TTC5: variants seen among roughly 807,000 people sequenced by gnomAD.
The protein encoded by TTC5 is tetratricopeptide repeat protein 5.
A neutral mutation model predicts 57.4 loss-of-function variants in TTC5; 46 were observed. The observed-to-expected ratio is 0.80, with a 90% CI of 0.63 to 1.03. The LOEUF (loss-of-function observed/expected upper bound fraction) is 1.03, where lower values mean the gene tolerates loss of function less well. TTC5 is among the 50% of genes least tolerant of loss of function. TTC5 has a pLI of 0.00. For synonymous variants in TTC5, 190 were observed against 203.5 expected (o/e 0.93, Z 0.57); for missense variants, 504 against 528.1 (o/e 0.95, Z 0.45).
At chr14:20,296,925 G>A (rs1345873457) in intron 5 of TTC5, among the ~76,000 whole-genome samples, 1 of 152,154 alleles carries the variant, frequency 6.6e-6, no homozygotes, top group Non-Finnish European at 1.5e-5. Flanking sequence ...AGGTAGAATT[G>A]TTTTAACATG....
chr14:20,301,075 T>C (rs760243394), intron 2 of TTC5, among the ~76,000 whole-genome samples: 1 of 152,226 alleles, frequency 6.6e-6, no homozygotes, highest in Non-Finnish European at 1.5e-5. Flanking sequence ...GGTTGCTAAC[T>C]TTCCTAGAGG....
Position 20,300,773 on chromosome 14 carries a change from G to T in TTC5, c.230C>A (p.Ala77Glu). Residue 77 changes from alanine to glutamate, a missense_variant, in exon 3 of 10, where the codon GCA becomes GAA. By Grantham distance (107) the Ala-to-Glu change is moderately radical. Transcript: ENST00000258821. Reference protein sequence around the residue: ...KAQVLMLTGKALNVTPDYSPK... With the variant: ...KAQVLMLTGKELNVTPDYSPK... Reference sequence around the variant, plus strand: ...GCTATAGTCAGGAGTCACATTTAGTGCTTTCCCAGTTAGCATTAGAACTTG... The same window carrying T: ...GCTATAGTCAGGAGTCACATTTAGTTCTTTCCCAGTTAGCATTAGAACTTG... 6.2e-7 allele frequency: 1 copy of T among 1,614,114 alleles called. No homozygotes were observed. Among genetic ancestry groups the T allele is most frequent in the Non-Finnish European group, 8.5e-7 (1 of 1,180,032 alleles).
At chr14:20,300,466 T>C in intron 3 of TTC5, 141 bp downstream of exon 3, 1 of 687,974 alleles carries the variant, frequency 1.5e-6, no homozygotes. Context: ...TCAGGTCTGC[T>C]CTCTGACCTT....
rs551919671 is a variant in TTC5, at chr14:20,295,237, C to CT, written c.1058+74dup. 249 of 1,385,676 alleles carry CT rather than the reference C, an allele frequency of 1.8e-4. 1 individual carries two copies. The East Asian group carries it at 4.6e-3, about 26-fold the overall frequency. The allele number at this position is 1,385,676 out of a possible 1,614,324, so 85.8% of individuals were successfully genotyped here. On this transcript the variant is annotated intron_variant, in intron 8 of 9. Transcript: ENST00000258821. ...CTGTGACCACTGACAATCTCCTCAA[C>CT]TGCCAGGGAAAGAACAGGAAGTGAG...
intron 9 of TTC5, among the ~76,000 whole-genome samples, chr14:20,290,540 G>C (rs191595556): frequency 6.6e-6 from 1 of 152,232 alleles, no homozygotes; most frequent in East Asian, 1.9e-4. Flanking sequence ...TTTCCAACCA[G>C]AGTTGAGAAA....
At chr14:20,301,737 G>A in intron 2 of TTC5, 96 bp downstream of exon 2, 1 of 1,503,938 alleles carries the variant, frequency 6.6e-7, no homozygotes, top group African/African-American at 1.4e-5. Flanking sequence ...CCCTATAGCA[G>A]TAACAGATAG....
chr14:20,300,140 C>CATATATAT, intron 3 of TTC5, among the ~76,000 whole-genome samples: 1 of 16,332 alleles, frequency 6.1e-5, no homozygotes, highest in Non-Finnish European at 1.9e-4. Context: ...ACGTCTGGTC[C>CATATATAT]ATGTATATAT....
rs144920137 is a variant in TTC5 at position 20,295,971 on chromosome 14, G to A, written c.697-117C>T. The A allele has an allele frequency of 4.7e-3, 5,008 of 1,074,170 alleles. 35 individuals are homozygous for A. The highest frequency in any genetic ancestry group is 0.02 in the South Asian group (1,114 of 54,804). The allele number at this position is 1,074,170 out of a possible 1,614,324, so 66.5% of individuals were successfully genotyped here. A position where few individuals can be genotyped will look rare whatever the true frequency, so the allele number is the denominator to read the frequency against. On this transcript the variant is annotated intron_variant, in intron 6 of 9. Coordinates refer to ENST00000258821, the MANE Select transcript of TTC5 (RefSeq NM_138376.3). ...TGTTTTCCTTCCTGGTTATTTTCCT[G>A]TGCTGCAACAAACAGCCTGAAGAGC...
chr14:20,302,413 C>T (rs1882212141), intron 1 of TTC5, among the ~76,000 whole-genome samples: 1 of 152,186 alleles, frequency 6.6e-6, no homozygotes, highest in South Asian at 2.1e-4. Context: ...CCTGATTTTT[C>T]ATATGCTGAG....
intron 5 of TTC5, among the ~76,000 whole-genome samples, chr14:20,297,952 T>G (rs1214433837): frequency 6.6e-6 from 1 of 151,784 alleles, no homozygotes; most frequent in Non-Finnish European, 1.5e-5. Flanking sequence ...AAAGGTAGAG[T>G]TGTGGGGAGA....
intron 9 of TTC5, among the ~76,000 whole-genome samples, chr14:20,290,445 C>CA (rs1284052259): frequency 4.6e-5 from 7 of 151,976 alleles, no homozygotes; most frequent in African/African-American, 1.4e-4. Context: ...ACAAGTGACA[C>CA]AAAAAATGGC....
At chr14:20,293,322 G>A (rs1881996999) in intron 8 of TTC5, 1 of 152,196 alleles carries the variant, frequency 6.6e-6, no homozygotes, top group African/African-American at 2.4e-5. Flanking sequence ...GAGGATGTTA[G>A]CTATGTCAAG....
intron 8 of TTC5, 100 bp downstream of exon 8, chr14:20,295,212 C>G: frequency 9.3e-7 from 1 of 1,074,624 alleles, no homozygotes; most frequent in Non-Finnish European, 1.4e-6. Flanking sequence ...AGTCACAAAT[C>G]TGTGACCACT....
intron 3 of TTC5, 152 bp from the exon 4 acceptor site, chr14:20,299,600 C>A: frequency 2.4e-6 from 2 of 842,390 alleles, no homozygotes; most frequent in South Asian, 1.5e-5. Context: ...GTCACCCAGG[C>A]TGAAGTGCAA....
intron 5 of TTC5, among the ~76,000 whole-genome samples, chr14:20,297,106 T>C (rs1241415263): frequency 6.6e-6 from 1 of 152,238 alleles, no homozygotes; most frequent in Non-Finnish European, 1.5e-5. Context: ...AAGGCTAGGA[T>C]AGAAATGGTG....
chr14:20,296,540 TG>T, intron 5 of TTC5, 94 bp from the exon 6 acceptor site: 1 of 1,019,986 alleles, frequency 9.8e-7, no homozygotes. Flanking sequence ...TCTAGAGAAA[TG>T]GAAGTTTCTT....
At chr14:20,297,616 C>G (rs1353958811) in intron 5 of TTC5, among the ~76,000 whole-genome samples, 1 of 151,966 alleles carries the variant, frequency 6.6e-6, no homozygotes, top group Non-Finnish European at 1.5e-5. Context: ...ACTAAAAATA[C>G]AAAAATTAGG....
chr14:20,304,410 C>T (rs1038554133), intron 1 of TTC5, among the ~76,000 whole-genome samples: 2 of 152,192 alleles, frequency 1.3e-5, no homozygotes, highest in Admixed American at 1.3e-4. Context: ...TTTTAACAGG[C>T]ACCCCAGATG....
At chr14:20,302,577 T>C (rs1882214728) in intron 1 of TTC5, among the ~76,000 whole-genome samples, 1 of 152,224 alleles carries the variant, frequency 6.6e-6, no homozygotes, top group African/African-American at 2.4e-5. Flanking sequence ...TTTAGTTTGA[T>C]TTTTTTGTCA....
Sources: gnomAD v4.1 joint callset for allele counts (sites outside exome capture counted in the v4.1 genomes callset) on GRCh38, gnomAD v4.1.1 for gene constraint, MANE v1.5 for transcripts, NCBI Gene and HGNC (gene_info 2026-07-23, HGNC 2026-07-21) for gene names.